The following RALYL variants were observed in gnomAD, a reference collection of about 807,000 sequenced individuals.
The protein encoded by RALYL is RNA-binding Raly-like protein.
In RALYL, 29 loss-of-function variants were observed where a neutral mutation model predicts 35.1. The observed-to-expected ratio is 0.83, with a 90% confidence interval of 0.61 to 1.13. The LOEUF is 1.13. RALYL is among the 50% of genes most tolerant of loss of function. RALYL has a pLI of 0.00. For missense variants in RALYL, 359 were observed against 360.4 expected, an observed-to-expected ratio of 1.00 and a Z score of 0.03; for synonymous variants, 120 against 127.6, an observed-to-expected ratio of 0.94 and a Z score of 0.40.
At chr8:84,369,518 A>G (rs550672940) in intron 1 of RALYL, among the ~76,000 whole-genome samples, 1 of 152,128 alleles carries the variant, frequency 6.6e-6, no homozygotes, top group African/African-American at 2.4e-5. Context: ...AATTTAAAGG[A>G]GACATGAAGG....
intron 1 of RALYL, among the ~76,000 whole-genome samples, chr8:84,350,059 A>C (rs1285746427): frequency 1.3e-5 from 2 of 150,656 alleles, no homozygotes; most frequent in Non-Finnish European, 3.0e-5. Flanking sequence ...TGTCTGTATC[A>C]CAACAGCAAA....
rs571286245 is a variant in RALYL, at chr8:84,572,108, C to A, written c.256+42531C>A. Among the ~76,000 whole-genome samples, 38 of 151,880 alleles carry A rather than the reference C, an allele frequency of 2.5e-4. No individual in the cohort carries two copies. In the East Asian group the frequency reaches 7.0e-3, roughly 28 times the overall value. ...AATATTCTGTAAATGTCCATTGGGT[C>A]CACTTGGTTTGTAGTCCAGTTTAAG... On this transcript the variant is annotated intron_variant, in intron 2 of 8. Transcript: ENST00000521268.
chr8:84,817,451 C>G (rs1167330222), intron 4 of RALYL, among the ~76,000 whole-genome samples: 2 of 151,778 alleles, frequency 1.3e-5, no homozygotes, highest in Non-Finnish European at 2.9e-5. Context: ...CCTATTCTGT[C>G]ACTTCCTAGA....
At chr8:84,570,705 G>A (rs912125320) in intron 2 of RALYL, among the ~76,000 whole-genome samples, 9 of 151,916 alleles carry the variant, frequency 5.9e-5, no homozygotes, top group Non-Finnish European at 1.3e-4. Flanking sequence ...CATTCAACAT[G>A]ATGCTGGCTG....
intron 1 of RALYL, among the ~76,000 whole-genome samples, chr8:84,289,493 G>A (rs1415135889): frequency 2.0e-5 from 3 of 151,996 alleles, no homozygotes; most frequent in Non-Finnish European, 4.4e-5. Context: ...GTGCAAGAAT[G>A]TTTTAAAACC....
intron 2 of RALYL, among the ~76,000 whole-genome samples, chr8:84,536,848 C>G (rs1017781086): frequency 2.6e-5 from 4 of 152,134 alleles, no homozygotes; most frequent in African/African-American, 7.2e-5. Flanking sequence ...AGTGCTTCAG[C>G]TACTTTAAAT....
At position 84,525,027 on chromosome 8, in the gene RALYL, C is replaced by T. The variant is rs1024685314; in HGVS notation, c.-23-4272C>T. ...CGGGGTAGAGCAATTCATTAAAATA[C>T]GGCCTCAATTTTAACTAAGTAAAAT... On this transcript the variant is annotated intron_variant, in intron 1 of 8. Coordinates refer to ENST00000521268, the MANE Select transcript of RALYL (RefSeq NM_173848.7). Among the ~76,000 whole-genome samples, 22 of 151,352 alleles carry T rather than the reference C, an allele frequency of 1.5e-4. 6 individuals carry two copies. In the South Asian group the frequency reaches 3.8e-3, roughly 26 times the overall value.
intron 2 of RALYL, among the ~76,000 whole-genome samples, chr8:84,536,243 A>G (rs986438691): frequency 6.6e-6 from 1 of 152,214 alleles, no homozygotes; most frequent in African/African-American, 2.4e-5. Context: ...ATGAAGAAAA[A>G]GAAAGTATCA....
chr8:84,780,300 T>C (rs1817826194), intron 3 of RALYL, among the ~76,000 whole-genome samples: 1 of 152,202 alleles, frequency 6.6e-6, no homozygotes, highest in Admixed American at 6.5e-5. Context: ...TTACTTTGAA[T>C]GTATGTTATT....
At chr8:84,543,504 T>TAAAAAAAAAC (rs1418392105) in intron 2 of RALYL, among the ~76,000 whole-genome samples, 1 of 150,598 alleles carries the variant, frequency 6.6e-6, no homozygotes, top group Non-Finnish European at 1.5e-5. Flanking sequence ...ATAAAAAAAA[T>TAAAAAAAAAC]AAAAAAAAAC....
intron 1 of RALYL, among the ~76,000 whole-genome samples, chr8:84,423,664 G>A (rs1175873645): frequency 2.6e-5 from 4 of 151,632 alleles, no homozygotes; most frequent in Non-Finnish European, 5.9e-5. Context: ...TTACATTTTG[G>A]CATGGTTTTG....
At chr8:84,637,428 C>T (rs1369815841) in intron 2 of RALYL, among the ~76,000 whole-genome samples, 1 of 151,802 alleles carries the variant, frequency 6.6e-6, no homozygotes, top group Non-Finnish European at 1.5e-5. Flanking sequence ...CTCCTGTGCT[C>T]CCATCAGGCC....
intron 1 of RALYL, among the ~76,000 whole-genome samples, chr8:84,287,324 TA>T (rs762011722): frequency 0.019 from 2,755 of 147,142 alleles, 38 homozygotes; most frequent in Non-Finnish European, 0.027. Context: ...GCTAGGTTAT[TA>T]GGAAGATCAT....
chr8:84,794,207 C>T (rs776737940), intron 3 of RALYL, among the ~76,000 whole-genome samples: 3 of 152,196 alleles, frequency 2.0e-5, no homozygotes, highest in Non-Finnish European at 4.4e-5. Flanking sequence ...TTACACTCTG[C>T]ACAACTTATT....
chr8:84,408,273 T>C (rs1475765063), intron 1 of RALYL, among the ~76,000 whole-genome samples: 1 of 152,058 alleles, frequency 6.6e-6, no homozygotes, highest in Non-Finnish European at 1.5e-5. Flanking sequence ...TGCACTTTAA[T>C]TACCCCATAT....
chr8:84,352,805 T>C (rs1242666050), intron 1 of RALYL, among the ~76,000 whole-genome samples: 1 of 150,266 alleles, frequency 6.7e-6, no homozygotes, highest in Non-Finnish European at 1.5e-5. Context: ...TATTTCCCCA[T>C]GTTGGCCATG....
chr8:84,319,586 G>T (rs933712841), intron 1 of RALYL, among the ~76,000 whole-genome samples: 2 of 152,026 alleles, frequency 1.3e-5, no homozygotes. Context: ...TACGCTCAAA[G>T]AACTTTGCTT....
At chr8:84,262,815 G>A (rs1389385227) in intron 1 of RALYL, among the ~76,000 whole-genome samples, 3 of 152,110 alleles carry the variant, frequency 2.0e-5, no homozygotes, top group Admixed American at 2.0e-4. Context: ...ATACATAGGT[G>A]TGCAGTAAAG....
At chr8:84,693,755 GA>G (rs1318618353) in intron 2 of RALYL, among the ~76,000 whole-genome samples, 1 of 151,682 alleles carries the variant, frequency 6.6e-6, no homozygotes, top group Non-Finnish European at 1.5e-5. Context: ...CATTTTAAAA[GA>G]ATCAGTGATC....
Sources: gnomAD v4.1 joint callset for allele counts (sites outside exome capture counted in the v4.1 genomes callset) on GRCh38, gnomAD v4.1.1 for gene constraint, MANE v1.5 for transcripts, NCBI Gene and HGNC (gene_info 2026-07-23, HGNC 2026-07-21) for gene names.